CENPW: variants seen among roughly 807,000 people sequenced by gnomAD.
The protein encoded by CENPW is centromere protein W, also known as cancer-up-regulated gene 2 protein.
CENPW carries 3 observed loss-of-function variants against 11.1 expected under a neutral mutation model. The ratio of observed to expected loss-of-function variants is 0.27; its 90% CI spans 0.12 to 0.70. CENPW has a LOEUF of 0.70. Among genes scored for constraint, CENPW ranks in the 30% least tolerant of loss-of-function variants. CENPW has a pLI of 0.77. For synonymous variants in CENPW, 38 were observed against 42.0 expected, an observed-to-expected ratio of 0.91 and a Z score of 0.37; for missense variants, 100 against 105.6, an observed-to-expected ratio of 0.95 and a Z score of 0.23.
At chr6:126,363,780 C>G in the CENPW span, among the ~76,000 whole-genome samples, 1 of 152,298 alleles carries the variant, frequency 6.6e-6, no homozygotes, top group African/African-American at 2.4e-5. Flanking sequence ...CTCTCCTATT[C>G]AAAGGGAACT....
the CENPW span, among the ~76,000 whole-genome samples, chr6:126,475,737 A>G: frequency 6.6e-6 from 1 of 152,048 alleles, no homozygotes; most frequent in East Asian, 1.9e-4. Context: ...ATAATAATAT[A>G]TGTAAACATT....
the CENPW span, among the ~76,000 whole-genome samples, chr6:126,462,284 A>G: frequency 6.6e-6 from 1 of 151,956 alleles, no homozygotes; most frequent in Non-Finnish European, 1.5e-5. Context: ...TGTTCCTGTC[A>G]TGCCACTTTA....
the CENPW span, among the ~76,000 whole-genome samples, chr6:126,451,198 T>G: frequency 1.3e-5 from 2 of 151,056 alleles, no homozygotes; most frequent in Non-Finnish European, 3.0e-5. Flanking sequence ...GATTCTGCTT[T>G]GGGGCAGAAT....
At chr6:126,471,807 A>G in the CENPW span, among the ~76,000 whole-genome samples, 3 of 152,182 alleles carry the variant, frequency 2.0e-5, no homozygotes, top group African/African-American at 7.2e-5. Context: ...GGGACCTATG[A>G]TGGTTTGGTA....
chr6:126,423,153 CTGT>C, the CENPW span, among the ~76,000 whole-genome samples: 1 of 151,700 alleles, frequency 6.6e-6, no homozygotes, highest in Admixed American at 6.6e-5. Context: ...CATCTAGTGG[CTGT>C]AGAATTTTTT....
chr6:126,431,968 G>C, the CENPW span, among the ~76,000 whole-genome samples: 1 of 150,666 alleles, frequency 6.6e-6, no homozygotes, highest in Non-Finnish European at 1.5e-5. Flanking sequence ...GGGAGGCTGA[G>C]GCAGGAGAAT....
At chr6:126,380,824 C>A in the CENPW span, among the ~76,000 whole-genome samples, 2 of 152,008 alleles carry the variant, frequency 1.3e-5, no homozygotes, top group Non-Finnish European at 2.9e-5. Flanking sequence ...TTATTTTTTC[C>A]TGAAATAATA....
chr6:126,368,476 G>A, the CENPW span, among the ~76,000 whole-genome samples: 5 of 151,148 alleles, frequency 3.3e-5, no homozygotes, highest in South Asian at 4.2e-4. Flanking sequence ...AAACTTTAAT[G>A]TATTGGATTG....
the CENPW span, among the ~76,000 whole-genome samples, chr6:126,408,551 A>C: frequency 6.6e-6 from 1 of 151,924 alleles, no homozygotes; most frequent in Non-Finnish European, 1.5e-5. Flanking sequence ...TTGGGTGGGG[A>C]CACAACCAAA....
At chr6:126,348,155 C>T (rs896005539) in intron 2 of CENPW, among the ~76,000 whole-genome samples, 11 of 151,740 alleles carry the variant, frequency 7.2e-5, no homozygotes, top group Non-Finnish European at 1.2e-4. Context: ...ATTTCAAATT[C>T]GAAACCATTA....
At chr6:126,447,981 G>T in the CENPW span, among the ~76,000 whole-genome samples, 3 of 151,178 alleles carry the variant, frequency 2.0e-5, no homozygotes, top group Non-Finnish European at 3.0e-5. Flanking sequence ...CCTGTTCCAG[G>T]GTCAGCCCCC....
chr6:126,390,805 ATTC>A, the CENPW span, among the ~76,000 whole-genome samples: 1 of 151,964 alleles, frequency 6.6e-6, no homozygotes, highest in Non-Finnish European at 1.5e-5. Context: ...ACGTGATCTT[ATTC>A]TTTTTTATGG....
the CENPW span, among the ~76,000 whole-genome samples, chr6:126,376,829 G>A: frequency 1.3e-5 from 2 of 152,174 alleles, no homozygotes; most frequent in South Asian, 4.1e-4. Flanking sequence ...TAAAAGGAGA[G>A]AAGAGCACAG....
chr6:126,372,925 C>G, the CENPW span, among the ~76,000 whole-genome samples: 277 of 152,198 alleles, frequency 1.8e-3, no homozygotes, highest in Non-Finnish European at 1.6e-3. Context: ...AAATGTTAGT[C>G]TTAGTCATTT....
the CENPW span, among the ~76,000 whole-genome samples, chr6:126,372,076 A>C: frequency 6.6e-6 from 1 of 151,610 alleles, no homozygotes; most frequent in African/African-American, 2.4e-5. Context: ...ATTTTGTTTC[A>C]ATTTCATTTA....
At chr6:126,345,745 T>A (rs1215148443) in intron 1 of CENPW, among the ~76,000 whole-genome samples, 2 of 152,176 alleles carry the variant, frequency 1.3e-5, no homozygotes, top group East Asian at 1.9e-4. Flanking sequence ...ACATGTTTTT[T>A]AATAAATATT....
chr6:126,435,054 A>T, the CENPW span, among the ~76,000 whole-genome samples: 1 of 151,990 alleles, frequency 6.6e-6, no homozygotes, highest in African/African-American at 2.4e-5. Flanking sequence ...ATTCCTTATA[A>T]TGTTTTTAAA....
At chr6:126,425,327 G>A in the CENPW span, among the ~76,000 whole-genome samples, 2 of 152,064 alleles carry the variant, frequency 1.3e-5, no homozygotes, top group Non-Finnish European at 2.9e-5. Context: ...CTTCTGTAGT[G>A]AAATCACCCA....
At chr6:126,478,586 A>T in the CENPW span, among the ~76,000 whole-genome samples, 1 of 152,012 alleles carries the variant, frequency 6.6e-6, no homozygotes, top group East Asian at 1.9e-4. Context: ...CAGTTTTGTC[A>T]GTGACAAAGC....
Sources: allele counts gnomAD v4.1 joint callset (sites outside exome capture counted in the v4.1 genomes callset), GRCh38; gene constraint gnomAD v4.1.1; transcripts MANE v1.5; gene names NCBI Gene and HGNC (gene_info 2026-07-23, HGNC 2026-07-21).